The following SOX5 variants were observed in gnomAD, a reference collection of about 807,000 sequenced individuals.
SOX5 encodes SRY-box transcription factor 5.
A neutral mutation model predicts 92.0 loss-of-function variants in SOX5; 9 were observed. The observed-to-expected ratio is 0.10, with a 90% confidence interval of 0.06 to 0.17. The LOEUF (loss-of-function observed/expected upper bound fraction) is 0.17, where lower values mean the gene tolerates loss of function less well. SOX5 is among the 10% of genes least tolerant of loss of function. The pLI, the probability that SOX5 is intolerant of heterozygous loss-of-function variation, is 1.00. For missense variants in SOX5, 642 were observed against 944.5 expected, an observed-to-expected ratio of 0.68 and a Z score of 4.20; for synonymous variants, 344 against 336.3, an observed-to-expected ratio of 1.02 and a Z score of -0.25.
At chr12:23,665,660 T>C (rs2139428730) in intron 6 of SOX5, 96 bp from the exon 7 acceptor site, 1 of 1,416,108 alleles carries the variant, frequency 7.1e-7, no homozygotes, top group Non-Finnish European at 9.5e-7. Context: ...AAATCATTTA[T>C]TCAATTCAAA....
intron 4 of SOX5, among the ~76,000 whole-genome samples, chr12:23,993,926 T>C (rs1462398415): frequency 3.3e-5 from 5 of 152,140 alleles, no homozygotes; most frequent in African/African-American, 1.2e-4. Context: ...CATGTATGCA[T>C]GTATGTGTGT....
chr12:24,481,678 T>C (rs1036062982), intron 1 of SOX5, among the ~76,000 whole-genome samples: 1 of 152,122 alleles, frequency 6.6e-6, no homozygotes, highest in Non-Finnish European at 1.5e-5. Context: ...ATAACAGACA[T>C]ACAAAGACAC....
chr12:24,496,500 C>T (rs1174316065), intron 1 of SOX5, among the ~76,000 whole-genome samples: 2 of 152,152 alleles, frequency 1.3e-5, no homozygotes, highest in Non-Finnish European at 2.9e-5. Context: ...TTTTGACTGT[C>T]TGGCTCAGCT....
chr12:23,837,955 T>C (rs1489018897), intron 3 of SOX5, among the ~76,000 whole-genome samples: 2 of 122,640 alleles, frequency 1.6e-5, no homozygotes, highest in East Asian at 4.7e-4. Context: ...ATTTATATAG[T>C]ATATGTTTAT....
chr12:24,177,236 G>A (rs1168407430), intron 4 of SOX5, among the ~76,000 whole-genome samples: 1 of 152,170 alleles, frequency 6.6e-6, no homozygotes, highest in African/African-American at 2.4e-5. Context: ...CTGAAGAAAT[G>A]TAGAGGGTAG....
intron 3 of SOX5, among the ~76,000 whole-genome samples, chr12:23,805,011 G>T (rs2095743928): frequency 7.4e-6 from 1 of 135,398 alleles, no homozygotes; most frequent in African/African-American, 2.7e-5. Context: ...CTTTCTATGT[G>T]ACAAGGTTGG....
At chr12:23,904,643 A>G (rs1375107534) in intron 1 of SOX5, among the ~76,000 whole-genome samples, 2 of 152,200 alleles carry the variant, frequency 1.3e-5, no homozygotes, top group Non-Finnish European at 2.9e-5. Flanking sequence ...ATACATTACA[A>G]AAGTTCAAAC....
At chr12:23,600,540 TATATATATATATACAC>T (rs1425910591) in intron 9 of SOX5, among the ~76,000 whole-genome samples, 8 of 121,914 alleles carry the variant, frequency 6.6e-5, no homozygotes, top group Non-Finnish European at 1.2e-4. Context: ...TATATATATA[TATATATATATATACAC>T]ATACTTGGCT....
intron 1 of SOX5, among the ~76,000 whole-genome samples, chr12:24,450,062 C>T (rs1942047908): frequency 6.6e-6 from 1 of 152,186 alleles, no homozygotes; most frequent in Admixed American, 6.5e-5. Flanking sequence ...AATGACAACA[C>T]TAATCTCAAT....
At chr12:24,130,798 A>G (rs531000916) in intron 4 of SOX5, among the ~76,000 whole-genome samples, 1 of 152,278 alleles carries the variant, frequency 6.6e-6, no homozygotes, top group South Asian at 2.1e-4. Context: ...CTACACAAGC[A>G]TATTGGTGCA....
intron 3 of SOX5, among the ~76,000 whole-genome samples, chr12:24,240,935 T>C (rs917813833): frequency 5.3e-5 from 8 of 152,242 alleles, no homozygotes; most frequent in Non-Finnish European, 1.2e-4. Context: ...GTAACTCAAA[T>C]ATTCACAGAG....
chr12:23,656,141 A>T (rs1204455814), intron 7 of SOX5, among the ~76,000 whole-genome samples: 1 of 151,994 alleles, frequency 6.6e-6, no homozygotes, highest in Admixed American at 6.6e-5. Flanking sequence ...ATTAATATGA[A>T]ACGGGACTGT....
At chr12:23,991,018 AGAGGCCAAAT>A (rs1950502078) in intron 4 of SOX5, among the ~76,000 whole-genome samples, 1 of 151,246 alleles carries the variant, frequency 6.6e-6, no homozygotes, top group African/African-American at 2.4e-5. Flanking sequence ...CCAAAATCCT[AGAGGCCAAAT>A]GAGCTTCGTA....
intron 1 of SOX5, among the ~76,000 whole-genome samples, chr12:24,516,167 C>T (rs4439602): frequency 0.31 from 46,674 of 151,572 alleles, 9,168 homozygotes; most frequent in Non-Finnish European, 0.44. Context: ...CTCAACCTCC[C>T]GGGTACTTAG....
intron 2 of SOX5, among the ~76,000 whole-genome samples, chr12:23,859,454 T>G (rs2096730158): frequency 6.6e-6 from 1 of 152,136 alleles, no homozygotes; most frequent in Admixed American, 6.5e-5. Flanking sequence ...CCTGGTGAAT[T>G]CTAGTCAGAC....
At chr12:23,665,077 A>C (rs2139414979) in intron 7 of SOX5, among the ~76,000 whole-genome samples, 1 of 152,326 alleles carries the variant, frequency 6.6e-6, no homozygotes, top group East Asian at 1.9e-4. Flanking sequence ...GACAAATAAC[A>C]GAAGGCCAAC....
intron 2 of SOX5, among the ~76,000 whole-genome samples, chr12:23,883,438 C>A (rs190242229): frequency 6.6e-6 from 1 of 152,100 alleles, no homozygotes; most frequent in Admixed American, 6.5e-5. Flanking sequence ...GATAAATAAT[C>A]ATAATTAGTA....
At position 23,533,484 on chromosome 12, in the gene SOX5, A is replaced by C. The variant is rs1169146686; in HGVS notation, c.*735T>G. The C allele has an allele frequency of 5.3e-6, 1 of 190,052 alleles. No homozygotes were observed. Among genetic ancestry groups the C allele is most frequent in the Admixed American group, 5.6e-5 (1 of 17,974 alleles). The allele number at this position is 190,052 out of a possible 1,614,324, so 11.8% of individuals were successfully genotyped here. On this transcript the variant is annotated 3_prime_UTR_variant, in exon 15 of 15. Transcript: ENST00000451604. ...AAGAGAAAAAATGAACTTGGTCAAC[A>C]CTTCAGTACAAATTTGGCACTTGCT...
At chr12:23,922,775 A>T (rs546691985) in intron 1 of SOX5, among the ~76,000 whole-genome samples, 1 of 152,184 alleles carries the variant, frequency 6.6e-6, no homozygotes, top group Non-Finnish European at 1.5e-5. Flanking sequence ...TGTGCTTGGC[A>T]TGAGGAAATA....
Sources: gnomAD v4.1 joint callset for allele counts (sites outside exome capture counted in the v4.1 genomes callset) on GRCh38, gnomAD v4.1.1 for gene constraint, MANE v1.5 for transcripts, NCBI Gene and HGNC (gene_info 2026-07-23, HGNC 2026-07-21) for gene names.